ITGAV: variants seen among roughly 807,000 people sequenced by gnomAD.
The protein encoded by ITGAV is integrin alpha-V.
ITGAV carries 76 observed loss-of-function variants against 143.8 expected under a neutral mutation model. That is an observed-to-expected ratio of 0.53 (90% confidence interval 0.44 to 0.64). The LOEUF (loss-of-function observed/expected upper bound fraction) is 0.64, where lower values mean the gene tolerates loss of function less well. ITGAV is among the 30% of genes least tolerant of loss of function. The probability of loss-of-function intolerance (pLI) is 0.00; values close to 1 mark genes in which losing one functional copy is unlikely to be tolerated. For synonymous variants in ITGAV, 453 were observed against 446.7 expected (o/e 1.01, Z -0.18); for missense variants, 1,193 against 1,274.7 (o/e 0.94, Z 0.98).
intron 4 of ITGAV, 80 bp from the exon 5 acceptor site, chr2:186,630,717 A>C: frequency 8.0e-6 from 6 of 745,508 alleles, no homozygotes; most frequent in Non-Finnish European, 1.2e-5. Flanking sequence ...TTATGATTCT[A>C]GTGATATCAG....
rs753253288 is a variant in ITGAV at position 186,675,876 on chromosome 2, A to G, written c.2877A>G (p.Ile959Met). Residue 959 changes from isoleucine to methionine, a missense_variant, in exon 28 of 30, where the codon ATA becomes ATG. Coordinates refer to ENST00000261023, the MANE Select transcript of ITGAV (RefSeq NM_002210.5). ...SLKSSASFNV[I>M]EFPYKNLPIE... ...AGTCGTCTGCTTCATTTAATGTCAT[A>G]GAGTTTCCTTATAAGAATCTTCCAA... 5.6e-6 allele frequency: 9 copies of G among 1,610,248 alleles called. No individual in the cohort carries two copies. Among genetic ancestry groups the G allele is most frequent in the Middle Eastern group, 3.3e-4 (2 of 6,076 alleles).
At position 186,646,775 on chromosome 2, in the gene ITGAV, C is replaced by G. The variant is rs201689701; in HGVS notation, c.1249C>G (p.Pro417Ala). The G allele has an allele frequency of 4.3e-5, 70 of 1,612,948 alleles. No individual in the cohort carries two copies. Among genetic ancestry groups the G allele is most frequent in the African/African-American group, 1.1e-4 (8 of 74,880 alleles). The stretch of plus-strand genomic sequence containing the variant: ...AAGATCAACAGGCTTGAACGCAGTC[C>G]CATCTCAAATCCTTGAAGGGCAGTG... ...NGRSTGLNAV[P>A]SQILEGQWAA... is the part of the protein sequence containing the mutation. The change falls in exon 13 of 30, where the codon CCA becomes GCA. Residue 417 changes from proline (P) to alanine (A), a missense_variant. Physicochemically the swap from Pro to Ala is conservative, Grantham distance 27. Transcript: ENST00000261023.
chr2:186,624,820 G>T (rs954648918), intron 3 of ITGAV, among the ~76,000 whole-genome samples: 1 of 152,130 alleles, frequency 6.6e-6, no homozygotes, highest in East Asian at 1.9e-4. Flanking sequence ...ACTATTTGCT[G>T]TATAATTTAG....
chr2:186,641,522 G>C lies in ITGAV; in HGVS notation c.1093G>C (p.Glu365Gln), dbSNP rs1432912509. 5.0e-6 allele frequency: 8 copies of C among 1,614,068 alleles called. No individual in the cohort carries two copies. The Admixed American group carries it at 1.3e-4, about 27-fold the overall frequency. Residue 365 changes from glutamate (E) to glutamine (Q), a missense_variant, in exon 12 of 30, where the codon GAG (glutamate) becomes CAG (glutamine). By Grantham distance (29) the Glu-to-Gln change is conservative. Coordinates refer to ENST00000261023, the MANE Select transcript of ITGAV (RefSeq NM_002210.5). ...CCAGACGACAAAGCTGAATGGATTTGAGGTCTTTGCACGGTTTGGCAGTGC... is the reference window on the plus strand; with the variant it reads ...CCAGACGACAAAGCTGAATGGATTTCAGGTCTTTGCACGGTTTGGCAGTGC... Reference protein sequence around the residue: ...DFQTTKLNGFEVFARFGSAIA... With the variant: ...DFQTTKLNGFQVFARFGSAIA...
At position 186,590,413 on chromosome 2, in the gene ITGAV, A is replaced by G. The variant is rs144478131; in HGVS notation, c.75A>G (p.Leu25=). The G allele has an allele frequency of 3.1e-6, 5 of 1,612,054 alleles. No individual in the cohort carries two copies. In the African/African-American group the frequency reaches 4.0e-5, roughly 13 times the overall value. The change falls in exon 1 of 30, where the codon CTA becomes CTG. Residue 25 remains leucine (L), a synonymous_variant. Transcript: ENST00000261023. The stretch of plus-strand genomic sequence containing the variant: ...CGCTTCTTCTCTCGGGACTCCTGCT[A>G]CCTCTGTGCCGCGCCTTCAACCTAG... ...GLPLLLSGLL[L]PLCRAFNLDV...
intron 3 of ITGAV, among the ~76,000 whole-genome samples, chr2:186,625,034 G>T (rs1326341042): frequency 2.6e-5 from 4 of 152,052 alleles, no homozygotes; most frequent in African/African-American, 4.8e-5. Flanking sequence ...TTACCACTAT[G>T]ATAAGAAATT....
At chr2:186,594,581 T>G (rs1391286421) in intron 1 of ITGAV, among the ~76,000 whole-genome samples, 1 of 152,226 alleles carries the variant, frequency 6.6e-6, no homozygotes, top group Non-Finnish European at 1.5e-5. Flanking sequence ...TCTGTTTCTA[T>G]TCATTTTATC....
intron 2 of ITGAV, among the ~76,000 whole-genome samples, chr2:186,602,478 A>G (rs776954091): frequency 6.6e-5 from 10 of 152,204 alleles, no homozygotes; most frequent in South Asian, 2.1e-4. Context: ...AGGCACAGAA[A>G]GGCATTCTGC....
rs34754621 is a variant in ITGAV, at chr2:186,592,995, T to C, written c.185+2472T>C. On this transcript the variant is annotated intron_variant, in intron 1 of 29. Coordinates refer to ENST00000261023, the MANE Select transcript of ITGAV (RefSeq NM_002210.5). Reference sequence around the variant, plus strand: ...AAGGGCACTTTAAATTTAACAAGCATTGGAATCCAAGGTACTTGGGATGCC... The same window carrying C: ...AAGGGCACTTTAAATTTAACAAGCACTGGAATCCAAGGTACTTGGGATGCC... 3.5e-3 allele frequency among the ~76,000 whole-genome samples: 540 copies of C among 152,262 alleles called. 2 individuals are homozygous for C. Among genetic ancestry groups the C allele is most frequent in the Non-Finnish European group, 4.7e-3 (319 of 68,020 alleles).
chr2:186,590,494 C>G lies in ITGAV; in HGVS notation c.156C>G (p.Ala52=), dbSNP rs61763606. ...SGPEGSYFGF[A]VDFFVPSASS... The stretch of plus-strand genomic sequence containing the variant: ...CCGAGGGAAGTTACTTCGGCTTCGC[C>G]GTGGATTTCTTCGTGCCCAGCGCGT... Residue 52 remains alanine (A), a synonymous_variant, in exon 1 of 30, where the codon GCC becomes GCG. Coordinates refer to ENST00000261023, the MANE Select transcript of ITGAV (RefSeq NM_002210.5). 274 of 1,610,968 alleles carry G rather than the reference C, an allele frequency of 1.7e-4. No homozygotes were observed. In the African/African-American group the frequency reaches 3.2e-3, roughly 19 times the overall value.
rs147691477 is a variant in ITGAV, at chr2:186,661,884, C to T, written c.1858-1884C>T. The stretch of plus-strand genomic sequence containing the variant: ...TGCTGAGATTACAGGCATGAGCCAC[C>T]GTACCCAGCCTCAAATACATACTAA... On this transcript the variant is annotated intron_variant, in intron 18 of 29. Coordinates refer to ENST00000261023, the MANE Select transcript of ITGAV (RefSeq NM_002210.5). Among the ~76,000 whole-genome samples the T allele has an allele frequency of 1.5e-3, 227 of 152,092 alleles. 6 individuals carry two copies. The East Asian group carries it at 0.038, about 26-fold the overall frequency.
chr2:186,627,353 A>T (rs1311262514), intron 4 of ITGAV, among the ~76,000 whole-genome samples: 1 of 152,206 alleles, frequency 6.6e-6, no homozygotes, highest in Admixed American at 6.5e-5. Context: ...TTTCCTCTAC[A>T]TTATTCACAA....
rs1406835401 is a variant in ITGAV, at chr2:186,638,432, C to G, written c.870C>G (p.Asn290Lys). 1 of 1,611,346 alleles carries G rather than the reference C, an allele frequency of 6.2e-7. No homozygotes were observed. Among genetic ancestry groups the G allele is most frequent in the East Asian group, 2.2e-5 (1 of 44,848 alleles). ...LGMVYIYDGKNMSSLYNFTGE... is the reference protein window; with the variant it reads ...LGMVYIYDGKKMSSLYNFTGE... The stretch of plus-strand genomic sequence containing the variant: ...AGGTTTATATTTATGATGGGAAGAA[C>G]ATGTCCTCCTTATACAATTTTACTG... Residue 290 changes from asparagine to lysine, a missense_variant, in exon 10 of 30, where the codon AAC (asparagine) becomes AAG (lysine). Asn to Lys is a moderately conservative substitution (Grantham distance 94, BLOSUM62 0). Transcript: ENST00000261023.
intron 16 of ITGAV, 81 bp downstream of exon 16, chr2:186,654,789 A>G (rs1182339283): frequency 3.2e-6 from 2 of 634,066 alleles, no homozygotes; most frequent in African/African-American, 3.7e-5. Context: ...ATATTCAAAT[A>G]GTTACTTGAA....
At chr2:186,656,972 A>C (rs1210463110) in intron 17 of ITGAV, among the ~76,000 whole-genome samples, 1 of 140,008 alleles carries the variant, frequency 7.1e-6, no homozygotes, top group Non-Finnish European at 1.5e-5. Flanking sequence ...AGTTTGATCA[A>C]ATATGAATTC....
intron 20 of ITGAV, 125 bp downstream of exon 20, chr2:186,664,766 T>C: frequency 8.8e-7 from 1 of 1,131,336 alleles, no homozygotes; most frequent in East Asian, 2.4e-5. Flanking sequence ...TGATAGACAA[T>C]GGAGTGCCTA....
chr2:186,614,782 A>G (rs114134980), intron 2 of ITGAV, among the ~76,000 whole-genome samples: 1 of 151,762 alleles, frequency 6.6e-6, no homozygotes, highest in Non-Finnish European at 1.5e-5. Context: ...GTCATTTTTT[A>G]TATATATATA....
intron 8 of ITGAV, among the ~76,000 whole-genome samples, chr2:186,637,577 A>G (rs1029871280): frequency 1.3e-5 from 2 of 152,110 alleles, no homozygotes; most frequent in Non-Finnish European, 2.9e-5. Context: ...AGATGTTAGC[A>G]CACTGGTGAG....
Position 186,666,737 on chromosome 2 carries a change from C to T in ITGAV, c.2200C>T (p.Gln734Ter). Reference sequence around the variant, plus strand: ...TGGTCTTCGTTTCAGTGTGCACCAGCAGTCAGAGATGGATACTTCTGTGAA... The same window carrying T: ...TGGTCTTCGTTTCAGTGTGCACCAGTAGTCAGAGATGGATACTTCTGTGAA... ...LAGLRFSVHQ[Q>*]SEMDTSVKFD... Residue 734 changes from glutamine (Q) to a stop codon, truncating the protein, a stop_gained, in exon 22 of 30, where the codon CAG (glutamine) becomes TAG (stop). Coordinates refer to ENST00000261023, the MANE Select transcript of ITGAV (RefSeq NM_002210.5). LOFTEE classifies it high-confidence loss of function. 6.3e-7 allele frequency: 1 copy of T among 1,586,074 alleles called. No homozygotes were observed.
Sources: gnomAD v4.1 joint callset for allele counts (sites outside exome capture counted in the v4.1 genomes callset) on GRCh38, gnomAD v4.1.1 for gene constraint, MANE v1.5 for transcripts, NCBI Gene and HGNC (gene_info 2026-07-23, HGNC 2026-07-21) for gene names.